The following CCDC88A variants were observed in gnomAD, a reference collection of about 807,000 sequenced individuals.
CCDC88A encodes the protein coiled-coil and HOOK domain protein 88A.
In CCDC88A, 54 loss-of-function variants were observed where a neutral mutation model predicts 234.3. The ratio of observed to expected loss-of-function variants is 0.23; its 90% CI spans 0.19 to 0.29. CCDC88A has a LOEUF of 0.29. CCDC88A is among the 10% of genes least tolerant of loss of function. The pLI is 1.00. For synonymous variants in CCDC88A, 753 were observed against 737.8 expected, an observed-to-expected ratio of 1.02 and a Z score of -0.33; for missense variants, 1,832 against 2,123.4, an observed-to-expected ratio of 0.86 and a Z score of 2.70.
At chr2:55,331,159 C>T (rs1214481959) in intron 16 of CCDC88A, among the ~76,000 whole-genome samples, 1 of 152,180 alleles carries the variant, frequency 6.6e-6, no homozygotes, top group Non-Finnish European at 1.5e-5. Context: ...AAACAACATG[C>T]AGTACAGTGT....
At position 55,346,250 on chromosome 2, in the gene CCDC88A, G is replaced by A. The variant is rs1669094503; in HGVS notation, c.966C>T (p.Val322=). Residue 322 remains valine (V), a synonymous_variant, in exon 10 of 33, where the codon GTC becomes GTT. Transcript: ENST00000436346. ...LDALREKAVR[V]DKLESEVSRY... is the part of the protein sequence containing the mutation. ...TGCTGACTTCACTTTCAAGCTTATC[G>A]ACTCTGACTGCTTTCTCTCGAAGTG... The A allele has an allele frequency of 2.5e-6, 4 of 1,610,980 alleles. No individual in the cohort carries two copies. In the Admixed American group the frequency reaches 5.0e-5, roughly 20 times the overall value.
Position 55,309,380 on chromosome 2 carries a change from C to A in CCDC88A, c.4080-126G>T. 1 of 459,992 alleles carries A rather than the reference C, an allele frequency of 2.2e-6. No homozygotes were observed. Among genetic ancestry groups the A allele is most frequent in the Non-Finnish European group, 3.9e-6 (1 of 257,848 alleles). 28.5% of individuals were successfully genotyped at this position (459,992 alleles called of 1,614,324 possible). ...AAAAAAATACAGATACCATGGTTGG[C>A]AACTAAGATTTCATCAGGTAGTTAA... is the stretch of plus-strand genomic sequence containing the variant. On this transcript the variant is annotated intron_variant, in intron 23 of 32. Coordinates refer to ENST00000436346, the MANE Select transcript of CCDC88A (RefSeq NM_001365480.1). The surrounding 1 kb of genome is among the most constrained non-coding windows in gnomAD (Gnocchi z 5.1).
In CCDC88A at chr2:55,346,158, T is replaced by G. The variant is rs778488202; in HGVS notation, c.1041+17A>C. The G allele has an allele frequency of 6.4e-7, 1 of 1,558,764 alleles. No homozygotes were observed. ...ACACAGAAAAAAAAATCATGAATGG[T>G]TAATTATGCAACATACCTCAACTCT... On this transcript the variant is annotated intron_variant, in intron 10 of 32. Coordinates refer to ENST00000436346, the MANE Select transcript of CCDC88A (RefSeq NM_001365480.1).
At chr2:55,312,206 A>G (rs1311285731) in intron 23 of CCDC88A, among the ~76,000 whole-genome samples, 1 of 152,170 alleles carries the variant, frequency 6.6e-6, no homozygotes, top group Non-Finnish European at 1.5e-5. Flanking sequence ...TACTGTATTT[A>G]AATGTTTATT....
intron 3 of CCDC88A, among the ~76,000 whole-genome samples, chr2:55,375,124 C>A (rs1475488292): frequency 6.6e-6 from 1 of 152,128 alleles, no homozygotes; most frequent in African/African-American, 2.4e-5. Context: ...TGGCTCATGC[C>A]TGTAATCCTA....
chr2:55,349,117 A>G (rs1669546909), intron 9 of CCDC88A: 1 of 156,652 alleles, frequency 6.4e-6, no homozygotes, highest in South Asian at 2.0e-4. Flanking sequence ...AGGAAAAGTG[A>G]AAAAAATCAA....
chr2:55,357,159 G>C (rs1004023966), intron 7 of CCDC88A, among the ~76,000 whole-genome samples: 30 of 152,152 alleles, frequency 2.0e-4, no homozygotes, highest in African/African-American at 7.2e-4. Context: ...CTGAGGCACA[G>C]TGATTGATTT....
In CCDC88A at chr2:55,332,807, A is replaced by G. The variant is rs1283250456; in HGVS notation, c.2728-114T>C. ...AGGAATACATGTAATTTGAACCAGGAAATGTCATTAAACCATTCCTTCATT... is the reference window on the plus strand; with the variant it reads ...AGGAATACATGTAATTTGAACCAGGGAATGTCATTAAACCATTCCTTCATT... On this transcript the variant is annotated intron_variant, in intron 15 of 32. Coordinates refer to ENST00000436346, the MANE Select transcript of CCDC88A (RefSeq NM_001365480.1). This position sits in a 1 kb window ranked among gnomAD's most constrained non-coding sequence, Gnocchi z 4.5. 5 of 850,440 alleles carry G rather than the reference A, an allele frequency of 5.9e-6. No homozygotes were observed. In the East Asian group the frequency reaches 1.3e-4, roughly 22 times the overall value. The allele number at this position is 850,440 out of a possible 1,614,324, so 52.7% of individuals were successfully genotyped here.
intron 29 of CCDC88A, among the ~76,000 whole-genome samples, chr2:55,297,680 G>C (rs1309564282): frequency 6.6e-6 from 1 of 151,184 alleles, no homozygotes; most frequent in Non-Finnish European, 1.5e-5. Context: ...CAAAGTGCTG[G>C]GATTACAGGT....
At chr2:55,293,100 A>G (rs1180903866) in intron 31 of CCDC88A, among the ~76,000 whole-genome samples, 1 of 152,064 alleles carries the variant, frequency 6.6e-6, no homozygotes, top group Non-Finnish European at 1.5e-5. Context: ...TTGTAAAATA[A>G]TCACATAATT....
At chr2:55,323,619 A>C (rs545912105) in intron 17 of CCDC88A, 1 of 152,302 alleles carries the variant, frequency 6.6e-6, no homozygotes, top group African/African-American at 2.4e-5. Flanking sequence ...TTTTACATGA[A>C]TTTCCCATGA....
chr2:55,293,980 A>C (rs1397294841), intron 31 of CCDC88A: 1 of 151,780 alleles, frequency 6.6e-6, no homozygotes, highest in Non-Finnish European at 1.5e-5. Context: ...GTTCTACTAG[A>C]AACATACTTG....
At chr2:55,399,424 G>C (rs1262852366) in intron 2 of CCDC88A, among the ~76,000 whole-genome samples, 3 of 151,618 alleles carry the variant, frequency 2.0e-5, no homozygotes, top group Non-Finnish European at 2.9e-5. Context: ...AGTTATTCAG[G>C]AGGCTGAGGC....
At chr2:55,314,968 G>A (rs1682804559) in intron 22 of CCDC88A, 1 of 152,208 alleles carries the variant, frequency 6.6e-6, no homozygotes, top group African/African-American at 2.4e-5. Context: ...CCCAAATTGT[G>A]AGAATTAGCC....
intron 12 of CCDC88A, 132 bp from the exon 13 acceptor site, chr2:55,339,780 G>T: frequency 3.0e-5 from 18 of 597,796 alleles, no homozygotes; most frequent in South Asian, 1.3e-4. Flanking sequence ...AATTCAATGA[G>T]GTTATATAAG....
At chr2:55,363,806 G>A (rs1335668591) in intron 6 of CCDC88A, 144 bp downstream of exon 6, 30 of 518,308 alleles carry the variant, frequency 5.8e-5, no homozygotes, top group Non-Finnish European at 8.8e-5. Flanking sequence ...CTAAAGAGAA[G>A]ACAATTTGTA....
chr2:55,365,267 T>C (rs972190474), intron 5 of CCDC88A, among the ~76,000 whole-genome samples: 2 of 152,120 alleles, frequency 1.3e-5, no homozygotes, highest in African/African-American at 4.8e-5. Context: ...CAAATAATAC[T>C]TGACAGGCCT....
intron 2 of CCDC88A, among the ~76,000 whole-genome samples, chr2:55,393,704 G>C (rs1558809472): frequency 2.6e-5 from 4 of 152,036 alleles, no homozygotes; most frequent in Non-Finnish European, 5.9e-5. Context: ...CACACCATCA[G>C]TAAAGGACAG....
intron 4 of CCDC88A, 81 bp downstream of exon 4, chr2:55,374,733 A>C (rs1673356946): frequency 2.5e-6 from 2 of 809,582 alleles, no homozygotes; most frequent in Non-Finnish European, 4.1e-6. Context: ...GTTAATGTAT[A>C]TAAGCTCTTA....
Sources: allele counts gnomAD v4.1 joint callset (sites outside exome capture counted in the v4.1 genomes callset), GRCh38; gene constraint gnomAD v4.1.1; non-coding constraint Gnocchi (gnomAD v3.1); transcripts MANE v1.5; gene names NCBI Gene and HGNC (gene_info 2026-07-23, HGNC 2026-07-21).